KCTD8: variants seen among roughly 807,000 people sequenced by gnomAD.
KCTD8 encodes BTB/POZ domain-containing protein KCTD8.
In KCTD8, 27 loss-of-function variants were observed where a neutral mutation model predicts 31.5. The ratio of observed to expected loss-of-function variants is 0.86; its 90% confidence interval spans 0.63 to 1.18. The LOEUF (loss-of-function observed/expected upper bound fraction) is 1.18. Among genes scored for constraint, KCTD8 ranks in the 50% most tolerant of loss-of-function variants. The pLI is 0.00. For missense variants in KCTD8, 658 were observed against 647.7 expected (o/e 1.02, Z -0.17); for synonymous variants, 290 against 280.0 (o/e 1.04, Z -0.36).
intron 1 of KCTD8, among the ~76,000 whole-genome samples, chr4:44,384,150 A>G (rs1720146265): frequency 6.6e-6 from 1 of 151,536 alleles, no homozygotes; most frequent in South Asian, 2.1e-4. Context: ...ATCAAAAAAA[A>G]ACAAAAAAAA....
chr4:44,377,329 T>C (rs963325098), intron 1 of KCTD8, among the ~76,000 whole-genome samples: 3 of 152,194 alleles, frequency 2.0e-5, no homozygotes, highest in African/African-American at 7.2e-5. Context: ...TCCATTCTCA[T>C]TTCCTGAGAA....
chr4:44,306,161 T>C (rs562095491), intron 1 of KCTD8, among the ~76,000 whole-genome samples: 1 of 151,902 alleles, frequency 6.6e-6, no homozygotes, highest in African/African-American at 2.4e-5. Flanking sequence ...AGAAATGAAA[T>C]AATAAATGTA....
chr4:44,274,630 T>A lies in KCTD8; in HGVS notation c.962-99380A>T, dbSNP rs193062904. On this transcript the variant is annotated intron_variant, in intron 1 of 1. Coordinates refer to ENST00000360029, the MANE Select transcript of KCTD8 (RefSeq NM_198353.3). ...CTAAACTTAATTATGTTAAAATTTA[T>A]ATAGTCATTTCTTGGCCCATGTCAA... 5.3e-5 allele frequency among the ~76,000 whole-genome samples: 8 copies of A among 152,064 alleles called. No individual in the cohort carries two copies. In the East Asian group the frequency reaches 1.6e-3, roughly 30 times the overall value.
At chr4:44,180,582 T>TGCGCACACACAC (rs200270284) in intron 1 of KCTD8, among the ~76,000 whole-genome samples, 3 of 145,176 alleles carry the variant, frequency 2.1e-5, no homozygotes, top group African/African-American at 7.7e-5. Context: ...TCAGTATACA[T>TGCGCACACACAC]ACATGCACAC....
chr4:44,192,694 T>C (rs1713801229), intron 1 of KCTD8, among the ~76,000 whole-genome samples: 1 of 152,194 alleles, frequency 6.6e-6, no homozygotes, highest in African/African-American at 2.4e-5. Context: ...ATGTAAAGTA[T>C]AGATCCTGGG....
At chr4:44,282,307 A>G (rs11939047) in intron 1 of KCTD8, among the ~76,000 whole-genome samples, 4,479 of 152,132 alleles carry the variant, frequency 0.029, 236 homozygotes, top group African/African-American at 0.1. Flanking sequence ...ATCTTTGCTC[A>G]GTGACCTTTG....
At chr4:44,369,292 A>T (rs754778219) in intron 1 of KCTD8, among the ~76,000 whole-genome samples, 2 of 152,208 alleles carry the variant, frequency 1.3e-5, no homozygotes, top group Non-Finnish European at 2.9e-5. Flanking sequence ...ACAATTCCCA[A>T]AGAAAAAATG....
At position 44,174,969 on chromosome 4, in the gene KCTD8, T is replaced by C; in HGVS notation, c.1243A>G (p.Thr415Ala). The change falls in exon 2 of 2, where the codon ACC (threonine) becomes GCC (alanine). Residue 415 changes from threonine (T) to alanine (A), a missense_variant. Coordinates refer to ENST00000360029, the MANE Select transcript of KCTD8 (RefSeq NM_198353.3). Reference sequence around the variant, plus strand: ...GTTTCCCGGGACTTGCTGATGAGGGTCTGAAAGAGTTCACTGTTTCTGCGT... The same window carrying C: ...GTTTCCCGGGACTTGCTGATGAGGGCCTGAAAGAGTTCACTGTTTCTGCGT... ...DKRRNSELFQ[T>A]LISKSRETNL... is the part of the protein sequence containing the mutation. The C allele has an allele frequency of 6.2e-7, 1 of 1,614,136 alleles. No individual in the cohort carries two copies. Among genetic ancestry groups the C allele is most frequent in the Non-Finnish European group, 8.5e-7 (1 of 1,179,992 alleles).
intron 1 of KCTD8, among the ~76,000 whole-genome samples, chr4:44,409,736 C>A (rs78909523): frequency 0.021 from 3,214 of 151,888 alleles, 75 homozygotes; most frequent in African/African-American, 0.049. Flanking sequence ...TTGCATCTTT[C>A]CTATTTTAAA....
At chr4:44,293,498 C>A (rs1229206678) in intron 1 of KCTD8, 1 of 452,200 alleles carries the variant, frequency 2.2e-6, no homozygotes, top group Admixed American at 2.4e-5. Flanking sequence ...CTAGAGGTAG[C>A]AAAGGTGTAA....
chr4:44,310,562 G>A (rs1560422579), intron 1 of KCTD8, among the ~76,000 whole-genome samples: 2 of 151,980 alleles, frequency 1.3e-5, no homozygotes, highest in Admixed American at 6.6e-5. Context: ...CAAGATCATA[G>A]GCTTTCTATT....
intron 1 of KCTD8, among the ~76,000 whole-genome samples, chr4:44,229,934 C>T (rs145306740): frequency 2.5e-3 from 379 of 152,126 alleles, no homozygotes; most frequent in Non-Finnish European, 3.8e-3. Context: ...CCCATCAACA[C>T]GTCATCTACA....
intron 1 of KCTD8, among the ~76,000 whole-genome samples, chr4:44,294,436 A>G (rs1363073858): frequency 1.3e-5 from 2 of 152,244 alleles, no homozygotes; most frequent in Admixed American, 6.5e-5. Context: ...TATGTTTAAA[A>G]GAATATCTAT....
chr4:44,262,348 C>T lies in KCTD8; in HGVS notation c.962-87098G>A, dbSNP rs566219010. On this transcript the variant is annotated intron_variant, in intron 1 of 1. Transcript: ENST00000360029. ...CATTGTGAGAGAGATATAAGCCCCA[C>T]TACCCTACTCTCTCCATGGTAATGA... 2.6e-3 allele frequency among the ~76,000 whole-genome samples: 392 copies of T among 152,056 alleles called. 3 individuals are homozygous for T. The highest frequency in any genetic ancestry group is 0.02 in the Middle Eastern group (6 of 294).
At chr4:44,403,691 T>C (rs1720719201) in intron 1 of KCTD8, among the ~76,000 whole-genome samples, 2 of 152,182 alleles carry the variant, frequency 1.3e-5, no homozygotes, top group Admixed American at 6.5e-5. Flanking sequence ...AAAGGACTCA[T>C]TTTAACTTGA....
intron 1 of KCTD8, among the ~76,000 whole-genome samples, chr4:44,288,871 A>G (rs1717179058): frequency 2.6e-5 from 4 of 151,988 alleles, no homozygotes; most frequent in Admixed American, 2.6e-4. Flanking sequence ...GGCAGGTAAC[A>G]ATCCTTGTTA....
intron 1 of KCTD8, among the ~76,000 whole-genome samples, chr4:44,442,233 T>G (rs1209914577): frequency 6.6e-6 from 1 of 152,004 alleles, no homozygotes; most frequent in African/African-American, 2.4e-5. Flanking sequence ...TTTTAAAGAG[T>G]TATTTAATCT....
At position 44,180,071 on chromosome 4, in the gene KCTD8, A is replaced by G. The variant is rs528179276; in HGVS notation, c.962-4821T>C. Among the ~76,000 whole-genome samples the G allele has an allele frequency of 3.3e-5, 5 of 152,340 alleles. No individual in the cohort carries two copies. In the South Asian group the frequency reaches 1.0e-3, roughly 32 times the overall value. Reference sequence around the variant, plus strand: ...CACCAACTAGTGAATATATGGGAACAACATGACTATTAGAAATGTCTCTGT... The same window carrying G: ...CACCAACTAGTGAATATATGGGAACGACATGACTATTAGAAATGTCTCTGT... On this transcript the variant is annotated intron_variant, in intron 1 of 1. Coordinates refer to ENST00000360029, the MANE Select transcript of KCTD8 (RefSeq NM_198353.3).
intron 1 of KCTD8, among the ~76,000 whole-genome samples, chr4:44,428,331 C>A (rs1177222169): frequency 6.6e-6 from 1 of 151,452 alleles, no homozygotes; most frequent in East Asian, 1.9e-4. Context: ...GAAGTGATGA[C>A]CTCTATAGAA....
Sources: allele counts gnomAD v4.1 joint callset (sites outside exome capture counted in the v4.1 genomes callset), GRCh38; gene constraint gnomAD v4.1.1; transcripts MANE v1.5; gene names NCBI Gene and HGNC (gene_info 2026-07-23, HGNC 2026-07-21).